HUNK: variants seen among roughly 807,000 people sequenced by gnomAD.
The protein encoded by HUNK is hormonally up-regulated Neu-associated kinase, also known as hormonally up-regulated neu tumor-associated kinase.
Under a neutral mutation model 61.0 loss-of-function variants are expected in HUNK, and 21 were observed. The ratio of observed to expected loss-of-function variants is 0.34; its 90% CI spans 0.24 to 0.50. The LOEUF (loss-of-function observed/expected upper bound fraction) is 0.50. Ranked by LOEUF, HUNK falls within the 20% of genes least tolerant of loss-of-function variation. HUNK has a pLI of 0.98. For synonymous variants in HUNK, 371 were observed against 386.1 expected, an observed-to-expected ratio of 0.96 and a Z score of 0.46; for missense variants, 772 against 945.7, an observed-to-expected ratio of 0.82 and a Z score of 2.41.
At chr21:31,996,306 G>A (rs2053205602) in intron 10 of HUNK, among the ~76,000 whole-genome samples, 1 of 152,140 alleles carries the variant, frequency 6.6e-6, no homozygotes, top group African/African-American at 2.4e-5. Flanking sequence ...GGAATTGTGG[G>A]AGTAGAGATG....
chr21:31,966,697 T>C (rs1328962690), intron 5 of HUNK, among the ~76,000 whole-genome samples: 1 of 152,184 alleles, frequency 6.6e-6, no homozygotes, highest in Non-Finnish European at 1.5e-5. Flanking sequence ...AACTTAAAGC[T>C]TTTGAGAAAG....
At chr21:31,878,416 A>C (rs2052282286) in intron 1 of HUNK, among the ~76,000 whole-genome samples, 1 of 152,004 alleles carries the variant, frequency 6.6e-6, no homozygotes, top group African/African-American at 2.4e-5. Context: ...TATCATCAGC[A>C]ATATATTTGG....
intron 1 of HUNK, among the ~76,000 whole-genome samples, chr21:31,901,514 C>T (rs954028409): frequency 6.6e-6 from 1 of 152,198 alleles, no homozygotes; most frequent in African/African-American, 2.4e-5. Flanking sequence ...GTCACCTCTG[C>T]TTGACAGGCC....
intron 9 of HUNK, among the ~76,000 whole-genome samples, chr21:31,993,510 G>A (rs1231840234): frequency 6.6e-6 from 1 of 152,222 alleles, no homozygotes; most frequent in African/African-American, 2.4e-5. Context: ...AGGTGCATTT[G>A]ATTACTTTTT....
At chr21:31,882,747 A>G (rs1416759094) in intron 1 of HUNK, among the ~76,000 whole-genome samples, 1 of 152,172 alleles carries the variant, frequency 6.6e-6, no homozygotes, top group Non-Finnish European at 1.5e-5. Context: ...AGACATTAGA[A>G]TTTAGTTCTT....
chr21:31,968,511 C>T (rs1357875116), intron 6 of HUNK, 126 bp downstream of exon 6: 1 of 1,100,192 alleles, frequency 9.1e-7, no homozygotes, highest in Admixed American at 2.3e-5. Context: ...GGCTATCTCC[C>T]CTTCCCCCTA....
In HUNK at chr21:31,927,330, G is replaced by A. The variant is rs2052667783; in HGVS notation, c.554+2570G>A. 2.7e-5 allele frequency among the ~76,000 whole-genome samples: 4 copies of A among 150,438 alleles called. No homozygotes were observed. In the South Asian group the frequency reaches 6.4e-4, roughly 24 times the overall value. ...AGTGCTGGGATTACAGGTGTGAGCC[G>A]CCGTGCCCAGCCATGAAAGCCATTT... On this transcript the variant is annotated intron_variant, in intron 2 of 10. Coordinates refer to ENST00000270112, the MANE Select transcript of HUNK (RefSeq NM_014586.2).
At chr21:31,877,846 T>A (rs2052276170) in intron 1 of HUNK, among the ~76,000 whole-genome samples, 1 of 152,126 alleles carries the variant, frequency 6.6e-6, no homozygotes, top group Non-Finnish European at 1.5e-5. Context: ...CTCTGGCACA[T>A]AACAAGTGCC....
intron 1 of HUNK, among the ~76,000 whole-genome samples, chr21:31,918,613 C>T (rs2052601306): frequency 6.6e-6 from 1 of 152,212 alleles, no homozygotes; most frequent in Non-Finnish European, 1.5e-5. Context: ...TGGTGGCTGC[C>T]ATGGGCATCT....
In HUNK at chr21:32,000,457, C is replaced by T. The variant is rs980066569; in HGVS notation, c.*1273C>T. On this transcript the variant is annotated 3_prime_UTR_variant, in exon 11 of 11. Transcript: ENST00000270112. ...CCCCTGTGTGTGTTTTGTGGACAGC[C>T]GTGTTGTCTGACTGTATCCAGCTGG... 11 of 399,022 alleles carry T rather than the reference C, an allele frequency of 2.8e-5. No homozygotes were observed. The highest frequency in any genetic ancestry group is 6.2e-4 in the Middle Eastern group (1 of 1,610). 24.7% of individuals were successfully genotyped at this position (399,022 alleles called of 1,614,324 possible).
intron 2 of HUNK, among the ~76,000 whole-genome samples, chr21:31,937,645 G>A (rs545813007): frequency 2.6e-5 from 4 of 152,344 alleles, no homozygotes; most frequent in Middle Eastern, 3.4e-3. Flanking sequence ...TTCATGAAAT[G>A]TGACAGTGTG....
At chr21:31,891,382 AAC>A (rs1342577368) in intron 1 of HUNK, among the ~76,000 whole-genome samples, 6 of 152,252 alleles carry the variant, frequency 3.9e-5, no homozygotes, top group African/African-American at 4.8e-5. Context: ...GTCTCAAACA[AAC>A]AAACAAAAAG....
In HUNK at chr21:31,940,250, G is replaced by A. The variant is rs750846417; in HGVS notation, c.610+30G>A. 3 of 1,405,424 alleles carry A rather than the reference G, an allele frequency of 2.1e-6. No homozygotes were observed. In the South Asian group the frequency reaches 3.7e-5, roughly 18 times the overall value. The allele number at this position is 1,405,424 out of a possible 1,614,324, so 87.1% of individuals were successfully genotyped here. A position where few individuals can be genotyped will look rare whatever the true frequency, so the allele number is the denominator to read the frequency against. On this transcript the variant is annotated intron_variant, in intron 3 of 10. Transcript: ENST00000270112. ...GACTTTTTTTTTTTTTTAAGCAAAA[G>A]TATCTTTTAAGTGTTGTGTTGTCAG...
intron 1 of HUNK, among the ~76,000 whole-genome samples, chr21:31,900,397 C>T (rs1014631808): frequency 6.6e-6 from 1 of 150,904 alleles, no homozygotes; most frequent in African/African-American, 2.5e-5. Flanking sequence ...TGGTAGCTGC[C>T]TCCCAGGTTG....
rs751938845 is a variant in HUNK at position 31,921,154 on chromosome 21, CAAAAAAAAAA to C, written c.262-3295_262-3286del. ...TGGGCCACAGAGCGAGATTCCATCT[CAAAAAAAAAA>C]AAAAAAAAAAAAAAAAAAGAAGGAG... On this transcript the variant is annotated intron_variant, in intron 1 of 10. Coordinates refer to ENST00000270112, the MANE Select transcript of HUNK (RefSeq NM_014586.2). Among the ~76,000 whole-genome samples, 79 of 39,392 alleles carry C rather than the reference CAAAAAAAAAA, an allele frequency of 2.0e-3. 1 individual carries two copies. The highest frequency in any genetic ancestry group is 1.2e-3 in the Non-Finnish European group (24 of 19,500). The allele number at this position is 39,392 out of a possible 152,430, so 25.8% of individuals were successfully genotyped here. A position where few individuals can be genotyped will look rare whatever the true frequency, so the allele number is the denominator to read the frequency against.
intron 2 of HUNK, among the ~76,000 whole-genome samples, chr21:31,939,821 G>T (rs1222963754): frequency 6.6e-6 from 1 of 151,458 alleles, no homozygotes; most frequent in Non-Finnish European, 1.5e-5. Flanking sequence ...GGCCGCTCAG[G>T]CTGTGCCATC....
chr21:31,887,062 C>G (rs2052352038), intron 1 of HUNK, among the ~76,000 whole-genome samples: 1 of 152,192 alleles, frequency 6.6e-6, no homozygotes, highest in African/African-American at 2.4e-5. Context: ...TCTCTCATTC[C>G]TTGCTGCTCT....
chr21:31,993,582 C>A (rs2053185069), intron 9 of HUNK, among the ~76,000 whole-genome samples: 1 of 152,082 alleles, frequency 6.6e-6, no homozygotes, highest in African/African-American at 2.4e-5. Context: ...GAAAGGGAAC[C>A]AAGTAAAAGG....
chr21:31,940,107 T>A, intron 2 of HUNK, 58 bp from the exon 3 acceptor site: 1 of 1,398,056 alleles, frequency 7.2e-7, no homozygotes, highest in Non-Finnish European at 1.0e-6. Context: ...AGAAGCAAAA[T>A]GTAATTCCAT....
Sources: gnomAD v4.1 joint callset for allele counts (sites outside exome capture counted in the v4.1 genomes callset) on GRCh38, gnomAD v4.1.1 for gene constraint, MANE v1.5 for transcripts, NCBI Gene and HGNC (gene_info 2026-07-23, HGNC 2026-07-21) for gene names.